The following CNTNAP2 variants were observed in gnomAD, a reference collection of about 807,000 sequenced individuals.
The protein encoded by CNTNAP2 is contactin associated protein 2, also known as contactin-associated protein-like 2.
CNTNAP2 carries 98 observed loss-of-function variants against 155.2 expected under a neutral mutation model. That is an observed-to-expected ratio of 0.63 (90% confidence interval 0.54 to 0.75). The LOEUF (loss-of-function observed/expected upper bound fraction) is 0.75, where lower values mean the gene tolerates loss of function less well. Ranked by LOEUF, CNTNAP2 falls within the 30% of genes least tolerant of loss-of-function variation. The pLI is 0.00. For missense variants in CNTNAP2, 1,727 were observed against 1,688.1 expected, an observed-to-expected ratio of 1.02 and a Z score of -0.40; for synonymous variants, 651 against 631.2, an observed-to-expected ratio of 1.03 and a Z score of -0.47.
intron 16 of CNTNAP2, among the ~76,000 whole-genome samples, chr7:148,139,924 C>T (rs1246872309): frequency 1.3e-5 from 2 of 152,110 alleles, no homozygotes; most frequent in African/African-American, 4.8e-5. Context: ...CCACATTCCC[C>T]ATAAGACTGC....
chr7:146,913,308 T>G (rs1454762771), intron 3 of CNTNAP2, among the ~76,000 whole-genome samples: 1 of 152,124 alleles, frequency 6.6e-6, no homozygotes, highest in Non-Finnish European at 1.5e-5. Context: ...GGTGCCTTCT[T>G]CATTCAGAGA....
At chr7:147,863,716 C>A (rs182821262) in intron 13 of CNTNAP2, among the ~76,000 whole-genome samples, 277 of 152,036 alleles carry the variant, frequency 1.8e-3, no homozygotes, top group African/African-American at 6.4e-3. Flanking sequence ...CTGTTGGCTG[C>A]AGAAATATCT....
At chr7:148,371,757 CT>C (rs1798889210) in intron 21 of CNTNAP2, among the ~76,000 whole-genome samples, 1 of 152,198 alleles carries the variant, frequency 6.6e-6, no homozygotes, top group Admixed American at 6.5e-5. Context: ...AAGGTGCAGC[CT>C]TCTACACACC....
At chr7:148,026,363 G>A (rs1035688085) in intron 15 of CNTNAP2, among the ~76,000 whole-genome samples, 2 of 152,016 alleles carry the variant, frequency 1.3e-5, no homozygotes, top group African/African-American at 4.8e-5. Context: ...AGGTGGAAGG[G>A]TCACTTGAGT....
intron 18 of CNTNAP2, among the ~76,000 whole-genome samples, chr7:148,199,371 G>C (rs1795331188): frequency 6.6e-6 from 1 of 152,190 alleles, no homozygotes; most frequent in Non-Finnish European, 1.5e-5. Flanking sequence ...TTCTAAGAGG[G>C]CTGAACTGGG....
At chr7:146,732,540 A>T (rs1248385810) in intron 1 of CNTNAP2, among the ~76,000 whole-genome samples, 1 of 152,114 alleles carries the variant, frequency 6.6e-6, no homozygotes, top group Non-Finnish European at 1.5e-5. Context: ...TAAAGAAGAG[A>T]GATAACTTCA....
chr7:148,141,770 T>C (rs1223720548), intron 16 of CNTNAP2, among the ~76,000 whole-genome samples: 1 of 152,176 alleles, frequency 6.6e-6, no homozygotes, highest in Non-Finnish European at 1.5e-5. Flanking sequence ...TAACATAGAA[T>C]GTTTAGGGAT....
chr7:146,648,838 TAGA>T (rs1263917473), intron 1 of CNTNAP2, among the ~76,000 whole-genome samples: 2 of 151,992 alleles, frequency 1.3e-5, no homozygotes, highest in Non-Finnish European at 2.9e-5. Context: ...AAAATGGAAA[TAGA>T]AGAATAGGAA....
At chr7:147,271,732 C>T (rs1448471182) in intron 8 of CNTNAP2, among the ~76,000 whole-genome samples, 1 of 152,094 alleles carries the variant, frequency 6.6e-6, no homozygotes, top group Non-Finnish European at 1.5e-5. Context: ...TCCACAAGAA[C>T]AGTATAGGGG....
At chr7:147,012,401 A>ATTT (rs1798643717) in intron 3 of CNTNAP2, among the ~76,000 whole-genome samples, 2 of 152,194 alleles carry the variant, frequency 1.3e-5, no homozygotes, top group African/African-American at 4.8e-5. Context: ...AATGTGCTTC[A>ATTT]TAGTATTCTT....
intron 1 of CNTNAP2, among the ~76,000 whole-genome samples, chr7:146,633,410 A>AC (rs1799541570): frequency 6.6e-6 from 1 of 152,150 alleles, no homozygotes; most frequent in African/African-American, 2.4e-5. Context: ...TCATAAATTA[A>AC]CCTACAGTAA....
intron 18 of CNTNAP2, among the ~76,000 whole-genome samples, chr7:148,191,999 G>C (rs1465451169): frequency 6.6e-6 from 1 of 152,188 alleles, no homozygotes; most frequent in Admixed American, 6.5e-5. Flanking sequence ...AACAATGCAA[G>C]CTTGTTACTT....
intron 18 of CNTNAP2, among the ~76,000 whole-genome samples, chr7:148,192,664 C>T (rs1180048882): frequency 6.6e-6 from 1 of 152,132 alleles, no homozygotes; most frequent in African/African-American, 2.4e-5. Flanking sequence ...TGGCAATGCT[C>T]ATTGCCACAA....
At chr7:147,722,746 C>T (rs1796583784) in intron 13 of CNTNAP2, among the ~76,000 whole-genome samples, 1 of 152,058 alleles carries the variant, frequency 6.6e-6, no homozygotes, top group African/African-American at 2.4e-5. Flanking sequence ...GCTCGGAGCA[C>T]TATTTGCAAA....
intron 1 of CNTNAP2, among the ~76,000 whole-genome samples, chr7:146,668,520 G>A (rs768319577): frequency 1.3e-5 from 2 of 151,730 alleles, no homozygotes; most frequent in Non-Finnish European, 2.9e-5. Context: ...TGCAGAATGA[G>A]TTTGGAAGAA....
chr7:146,364,931 A>G (rs568020788), intron 1 of CNTNAP2, among the ~76,000 whole-genome samples: 45 of 152,136 alleles, frequency 3.0e-4, no homozygotes, highest in African/African-American at 9.9e-4. Flanking sequence ...TTTCTTCCCA[A>G]TGTAATCGTT....
At chr7:146,338,895 G>T (rs1045214074) in intron 1 of CNTNAP2, among the ~76,000 whole-genome samples, 2 of 149,620 alleles carry the variant, frequency 1.3e-5, no homozygotes, top group Admixed American at 6.6e-5. Flanking sequence ...TTTAAAAAAG[G>T]TTTCAGGCCA....
chr7:148,286,268 G>A (rs780378567), intron 21 of CNTNAP2, among the ~76,000 whole-genome samples: 1 of 152,188 alleles, frequency 6.6e-6, no homozygotes, highest in Non-Finnish European at 1.5e-5. Flanking sequence ...AGGGGACCAT[G>A]TCAATTCCTG....
At chr7:147,860,460 G>T (rs547807958) in intron 13 of CNTNAP2, among the ~76,000 whole-genome samples, 51 of 151,498 alleles carry the variant, frequency 3.4e-4, no homozygotes, top group Non-Finnish European at 6.0e-4. Flanking sequence ...TGTGGTGGTG[G>T]GTGTCTATAA....
Sources: allele counts gnomAD v4.1 joint callset (sites outside exome capture counted in the v4.1 genomes callset), GRCh38; gene constraint gnomAD v4.1.1; transcripts MANE v1.5; gene names NCBI Gene and HGNC (gene_info 2026-07-23, HGNC 2026-07-21).